The following SETBP1 variants were observed in gnomAD, a reference collection of about 807,000 sequenced individuals.
SETBP1 encodes SET-binding protein.
SETBP1 carries 9 observed loss-of-function variants against 101.0 expected under a neutral mutation model. The ratio of observed to expected loss-of-function variants is 0.09; its 90% CI spans 0.05 to 0.16. The LOEUF (loss-of-function observed/expected upper bound fraction) is 0.16. Ranked by LOEUF, SETBP1 falls within the 10% of genes least tolerant of loss-of-function variation. SETBP1 has a pLI of 1.00. For missense variants in SETBP1, 1,858 were observed against 2,033.8 expected (o/e 0.91, Z 1.66); for synonymous variants, 818 against 788.5 (o/e 1.04, Z -0.63).
At chr18:45,000,824 A>ACACACT (rs1435207786) in intron 4 of SETBP1, among the ~76,000 whole-genome samples, 2 of 149,448 alleles carry the variant, frequency 1.3e-5, no homozygotes, top group African/African-American at 4.9e-5. Flanking sequence ...ACACACACAC[A>ACACACT]CTCCTAGGAA....
intron 4 of SETBP1, among the ~76,000 whole-genome samples, chr18:44,970,932 A>G (rs2071837932): frequency 6.6e-6 from 1 of 151,816 alleles, no homozygotes; most frequent in African/African-American, 2.4e-5. Context: ...TTTGTTACAT[A>G]TGTATACATG....
chr18:45,037,314 T>C lies in SETBP1; in HGVS notation c.4001-1171T>C, dbSNP rs368763452. ...ATTGGGGTTGGAGGGAAGGTGCCCATATATTCTTAGTCATGTCAGGGAGAA... is the reference window on the plus strand; with the variant it reads ...ATTGGGGTTGGAGGGAAGGTGCCCACATATTCTTAGTCATGTCAGGGAGAA... On this transcript the variant is annotated intron_variant, in intron 4 of 5. Coordinates refer to ENST00000649279, the MANE Select transcript of SETBP1 (RefSeq NM_015559.3). Among the ~76,000 whole-genome samples the C allele has an allele frequency of 9.2e-5, 14 of 152,286 alleles. No individual in the cohort carries two copies. The East Asian group carries it at 2.7e-3, about 29-fold the overall frequency.
intron 4 of SETBP1, among the ~76,000 whole-genome samples, chr18:44,968,460 C>T (rs376230955): frequency 1.3e-5 from 2 of 152,144 alleles, no homozygotes; most frequent in East Asian, 3.9e-4. Context: ...GTAAATTCAT[C>T]TATGTGGACG....
At chr18:44,706,321 C>G (rs1188599990) in intron 2 of SETBP1, among the ~76,000 whole-genome samples, 4 of 152,106 alleles carry the variant, frequency 2.6e-5, no homozygotes, top group South Asian at 4.2e-4. Flanking sequence ...CACAGTGGCT[C>G]CTGCCTGTAA....
intron 2 of SETBP1, among the ~76,000 whole-genome samples, chr18:44,709,221 T>G (rs914865562): frequency 6.6e-6 from 1 of 152,214 alleles, no homozygotes; most frequent in Non-Finnish European, 1.5e-5. Flanking sequence ...GAAGGTTTTT[T>G]GGTGAATTCT....
intron 2 of SETBP1, among the ~76,000 whole-genome samples, chr18:44,704,988 T>C (rs2069188662): frequency 6.6e-6 from 1 of 152,136 alleles, no homozygotes; most frequent in Admixed American, 6.5e-5. Flanking sequence ...TAGTGATTCC[T>C]ACTAGGGAGT....
At chr18:45,012,847 T>C (rs1270632140) in intron 4 of SETBP1, among the ~76,000 whole-genome samples, 5 of 152,080 alleles carry the variant, frequency 3.3e-5, no homozygotes, top group Non-Finnish European at 4.4e-5. Flanking sequence ...CTGATAGACA[T>C]TGAGGACTTG....
chr18:44,724,839 A>G (rs2069671924), intron 2 of SETBP1, among the ~76,000 whole-genome samples: 1 of 152,186 alleles, frequency 6.6e-6, no homozygotes, highest in South Asian at 2.1e-4. Context: ...TTGAGAAAAT[A>G]TTTTGAGTGG....
chr18:44,794,952 C>T (rs1018135237), intron 2 of SETBP1, among the ~76,000 whole-genome samples: 5 of 152,104 alleles, frequency 3.3e-5, no homozygotes, highest in South Asian at 2.1e-4. Context: ...GGCTCAGATG[C>T]GGTGGAGGAT....
At chr18:44,833,156 A>G (rs531452207) in intron 2 of SETBP1, among the ~76,000 whole-genome samples, 1 of 152,340 alleles carries the variant, frequency 6.6e-6, no homozygotes, top group Admixed American at 6.5e-5. Flanking sequence ...ATCACCTTGG[A>G]GTTTTGATAG....
chr18:44,890,799 C>A (rs2069750565), intron 3 of SETBP1, among the ~76,000 whole-genome samples: 1 of 152,054 alleles, frequency 6.6e-6, no homozygotes, highest in Admixed American at 6.6e-5. Context: ...AGTTTTTTAA[C>A]TCTAAGGAAC....
intron 3 of SETBP1, chr18:44,870,680 C>T (rs1303033067): frequency 6.6e-6 from 1 of 152,210 alleles, no homozygotes; most frequent in East Asian, 1.9e-4. Flanking sequence ...CACCTACACT[C>T]ATACATGGTG....
At chr18:44,846,248 A>G (rs766589903) in intron 2 of SETBP1, among the ~76,000 whole-genome samples, 2 of 152,186 alleles carry the variant, frequency 1.3e-5, no homozygotes, top group Non-Finnish European at 2.9e-5. Context: ...TTAAAGTTTA[A>G]TGCTCCCATA....
chr18:44,968,585 T>C (rs1036912500), intron 4 of SETBP1, among the ~76,000 whole-genome samples: 1 of 152,190 alleles, frequency 6.6e-6, no homozygotes, highest in African/African-American at 2.4e-5. Flanking sequence ...AGCAAAGGAA[T>C]GGCATAGTGA....
At chr18:44,705,840 C>A (rs1210648519) in intron 2 of SETBP1, among the ~76,000 whole-genome samples, 1 of 152,136 alleles carries the variant, frequency 6.6e-6, no homozygotes, top group East Asian at 1.9e-4. Flanking sequence ...GATTATAGAT[C>A]GTCAGGGAAC....
At chr18:45,025,204 C>T (rs1045509594) in intron 4 of SETBP1, among the ~76,000 whole-genome samples, 2 of 152,154 alleles carry the variant, frequency 1.3e-5, no homozygotes, top group African/African-American at 4.8e-5. Flanking sequence ...TTGGCTTTCT[C>T]CTGCCCCTTT....
At chr18:44,823,443 A>G (rs940651932) in intron 2 of SETBP1, among the ~76,000 whole-genome samples, 2 of 152,258 alleles carry the variant, frequency 1.3e-5, no homozygotes, top group African/African-American at 4.8e-5. Context: ...AAAGCAAATA[A>G]ATGATTCAGC....
At chr18:44,826,944 G>A (rs1363715193) in intron 2 of SETBP1, among the ~76,000 whole-genome samples, 2 of 152,124 alleles carry the variant, frequency 1.3e-5, no homozygotes, top group Non-Finnish European at 2.9e-5. Flanking sequence ...GCCACAGAGG[G>A]AAACTACAGT....
At chr18:44,925,397 G>C (rs956659672) in intron 3 of SETBP1, among the ~76,000 whole-genome samples, 1 of 152,094 alleles carries the variant, frequency 6.6e-6, no homozygotes, top group African/African-American at 2.4e-5. Flanking sequence ...AACCAGGCTG[G>C]ATAGTCAGGC....
Sources: gnomAD v4.1 joint callset for allele counts (sites outside exome capture counted in the v4.1 genomes callset) on GRCh38, gnomAD v4.1.1 for gene constraint, MANE v1.5 for transcripts, NCBI Gene and HGNC (gene_info 2026-07-23, HGNC 2026-07-21) for gene names.